The following FOXRED2 variants were observed in gnomAD, a reference collection of about 807,000 sequenced individuals.
FOXRED2 encodes the protein FAD-dependent oxidoreductase domain-containing protein 2.
A neutral mutation model predicts 52.5 loss-of-function variants in FOXRED2; 32 were observed. The ratio of observed to expected loss-of-function variants is 0.61; its 90% CI spans 0.46 to 0.82. The LOEUF (loss-of-function observed/expected upper bound fraction) is 0.82. FOXRED2 is among the 40% of genes least tolerant of loss of function. FOXRED2 has a pLI of 0.00. For synonymous variants in FOXRED2, 405 were observed against 398.1 expected (o/e 1.02, Z -0.21); for missense variants, 848 against 937.5 (o/e 0.90, Z 1.25).
In FOXRED2 at chr22:36,490,131, A is replaced by C; in HGVS notation, c.1932T>G (p.Tyr644Ter). 1.2e-6 allele frequency: 2 copies of C among 1,613,986 alleles called. No individual in the cohort carries two copies. The highest frequency in any genetic ancestry group is 1.7e-6 in the Non-Finnish European group (2 of 1,179,914). The change falls in exon 9 of 9, where the codon TAT becomes TAG. Residue 644 changes from tyrosine (Y) to a stop codon, truncating the protein, a stop_gained. Transcript: ENST00000397224. LOFTEE classifies it low-confidence loss of function (END_TRUNC). ...HRVESRLLRD[Y>*]APTGRRLEDS... ...CCTCCAGGCGCCTGCCTGTGGGGGC[A>C]TAGTCCCGCAGGAGCCTGCTCTCCA...
intron 2 of FOXRED2, 60 bp downstream of exon 2, chr22:36,505,836 T>G (rs1603496883): frequency 1.3e-6 from 2 of 1,529,562 alleles, no homozygotes. Context: ...CCAATCAAGG[T>G]GTGTGGTTCG....
At chr22:36,502,735 G>C (rs1220356135) in intron 4 of FOXRED2, among the ~76,000 whole-genome samples, 1 of 151,854 alleles carries the variant, frequency 6.6e-6, no homozygotes, top group African/African-American at 2.4e-5. Context: ...CTGTCGCCTG[G>C]GCTGGAGTCC....
intron 5 of FOXRED2, among the ~76,000 whole-genome samples, chr22:36,499,926 C>T (rs923643610): frequency 1.6e-4 from 25 of 152,210 alleles, no homozygotes; most frequent in Non-Finnish European, 2.8e-4. Context: ...CTCAGCATCC[C>T]GAGTAGTTGG....
At chr22:36,503,412 C>T (rs1390159088) in intron 4 of FOXRED2, among the ~76,000 whole-genome samples, 2 of 150,352 alleles carry the variant, frequency 1.3e-5, no homozygotes, top group Non-Finnish European at 3.0e-5. Flanking sequence ...CAGGTTCCAG[C>T]AATTCTCCCA....
At chr22:36,493,928 G>A (rs987218872) in intron 7 of FOXRED2, 125 bp from the exon 8 acceptor site, 4 of 775,028 alleles carry the variant, frequency 5.2e-6, no homozygotes, top group African/African-American at 3.5e-5. Context: ...CGGCTTTCCC[G>A]ACAGCCTCCT....
chr22:36,492,034 G>A lies in FOXRED2; in HGVS notation c.1795+1599C>T, dbSNP rs73169657. Among the ~76,000 whole-genome samples, 1,372 of 152,224 alleles carry A rather than the reference G, an allele frequency of 9.0e-3. 9 individuals are homozygous for A. Among genetic ancestry groups the A allele is most frequent in the Admixed American group, 0.015 (229 of 15,278 alleles). On this transcript the variant is annotated intron_variant, in intron 8 of 8. Transcript: ENST00000397224. ...ATGGGCACAGCACAAAGGATGTCGT[G>A]AGGCTTCCATGGGTGACCAGGCTGA...
In FOXRED2 at chr22:36,490,139, G is replaced by A. The variant is rs142833048; in HGVS notation, c.1924C>T (p.Arg642Trp). The A allele has an allele frequency of 3.5e-5, 56 of 1,613,928 alleles. No individual in the cohort carries two copies. Among genetic ancestry groups the A allele is most frequent in the Admixed American group, 1.0e-4 (6 of 59,994 alleles). Residue 642 changes from arginine (R) to tryptophan (W), a missense_variant, in exon 9 of 9, where the codon CGG becomes TGG. Transcript: ENST00000397224. ...CGCCTGCCTGTGGGGGCATAGTCCC[G>A]CAGGAGCCTGCTCTCCACTCTGTGC... ...WQHRVESRLL[R>W]DYAPTGRRLE...
rs771409448 is a variant in FOXRED2 at position 36,490,070 on chromosome 22, C to G, written c.1993G>C (p.Gly665Arg). Reference sequence around the variant, plus strand: ...AGAGGCCCTGGAGCCAGGGGGGAACCTAGTGGCTCTTGGTCGCCAAGCTGC... The same window carrying G: ...AGAGGCCCTGGAGCCAGGGGGGAACGTAGTGGCTCTTGGTCGCCAAGCTGC... ...SQQLGDQEPLGSPLAPGPLAQ... is the reference protein window; with the variant it reads ...SQQLGDQEPLRSPLAPGPLAQ... Residue 665 changes from glycine to arginine, a missense_variant, in exon 9 of 9, where the codon GGT becomes CGT. Physicochemically the swap from Gly to Arg is moderately radical, Grantham distance 125. Coordinates refer to ENST00000397224, the MANE Select transcript of FOXRED2 (RefSeq NM_001102371.2). 3 of 1,613,344 alleles carry G rather than the reference C, an allele frequency of 1.9e-6. No homozygotes were observed. Among genetic ancestry groups the G allele is most frequent in the East Asian group, 2.2e-5 (1 of 44,844 alleles).
At position 36,504,727 on chromosome 22, in the gene FOXRED2, C is replaced by T; in HGVS notation, c.567G>A (p.Gln189=). The T allele has an allele frequency of 6.2e-7, 1 of 1,614,130 alleles. No homozygotes were observed. The highest frequency in any genetic ancestry group is 1.3e-5 in the African/African-American group (1 of 75,022). ...CATATTCGGAGCCAGGGAAGTCAAC[C>T]TGGTTGGGGACTGATAAACCAGTGG... ...FVATGLSVPN[Q]VDFPGSEYAE... Residue 189 remains glutamine (Q), a synonymous_variant, in exon 3 of 9, where the codon CAG becomes CAA. Coordinates refer to ENST00000397224, the MANE Select transcript of FOXRED2 (RefSeq NM_001102371.2).
rs750694467 is a variant in FOXRED2, at chr22:36,504,169, A to G, written c.978T>C (p.Phe326=). Residue 326 remains phenylalanine, a synonymous_variant, in exon 4 of 9, where the codon TTT becomes TTC. Coordinates refer to ENST00000397224, the MANE Select transcript of FOXRED2 (RefSeq NM_001102371.2). ...CCCGGTCATAGGGCACGCGCATGGCAAAGTTGTCATTGTCGTCCTGGGGGA... is the reference window on the plus strand; with the variant it reads ...CCCGGTCATAGGGCACGCGCATGGCGAAGTTGTCATTGTCGTCCTGGGGGA... ...ITLPQDDNDN[F]AMRVPYDRVI... is the part of the protein sequence containing the mutation. 4.3e-6 allele frequency: 7 copies of G among 1,614,144 alleles called. No homozygotes were observed. In the African/African-American group the frequency reaches 9.3e-5, roughly 22 times the overall value.
chr22:36,504,374 C>G lies in FOXRED2; in HGVS notation c.780-7G>C, dbSNP rs1392976981. On this transcript the variant is annotated splice_region_variant and splice_polypyrimidine_tract_variant and intron_variant, in intron 3 of 8. Transcript: ENST00000397224. ...CAGGCCATTGTTGATGGCTCTGAGCCCACAGAGAATGCAGGGGAGAGAGAC... is the reference window on the plus strand; with the variant it reads ...CAGGCCATTGTTGATGGCTCTGAGCGCACAGAGAATGCAGGGGAGAGAGAC... The G allele has an allele frequency of 3.1e-6, 5 of 1,613,484 alleles. No homozygotes were observed. In the African/African-American group the frequency reaches 5.3e-5, roughly 17 times the overall value.
chr22:36,496,574 G>A (rs577088055), intron 6 of FOXRED2, among the ~76,000 whole-genome samples: 306 of 152,354 alleles, frequency 2.0e-3, no homozygotes, highest in Admixed American at 4.5e-3. Flanking sequence ...GAGGCCTTGA[G>A]AGGTCAAGGA....
intron 5 of FOXRED2, among the ~76,000 whole-genome samples, chr22:36,498,628 G>C (rs1036097787): frequency 6.6e-6 from 1 of 152,168 alleles, no homozygotes; most frequent in African/African-American, 2.4e-5. Context: ...GTTTCCATCA[G>C]AGACGCGCCT....
In FOXRED2 at chr22:36,493,983, T is replaced by C. The variant is rs549203326; in HGVS notation, c.1625-180A>G. ...CTGTTCAAGAGCCACCTGCAGATAT[T>C]TGAAAGGCTGCCATGAGGAAGAGGA... On this transcript the variant is annotated intron_variant, in intron 7 of 8. Transcript: ENST00000397224. Among the ~76,000 whole-genome samples the C allele has an allele frequency of 5.5e-4, 84 of 152,360 alleles. 1 individual carries two copies. The highest frequency in any genetic ancestry group is 1.9e-3 in the African/African-American group (81 of 41,588).
chr22:36,501,499 C>T (rs922903427), intron 4 of FOXRED2, 92 bp from the exon 5 acceptor site: 17 of 1,313,474 alleles, frequency 1.3e-5, no homozygotes, highest in East Asian at 7.1e-5. Context: ...TCGCTCTTGT[C>T]GCCCAGGTTA....
intron 8 of FOXRED2, 97 bp downstream of exon 8, chr22:36,493,536 C>A: frequency 9.5e-7 from 1 of 1,048,964 alleles, no homozygotes; most frequent in Non-Finnish European, 1.4e-6. Flanking sequence ...GTTTGGATTT[C>A]CAGATATGGG....
intron 5 of FOXRED2, among the ~76,000 whole-genome samples, chr22:36,500,305 G>A (rs1568990521): frequency 1.3e-5 from 2 of 152,074 alleles, no homozygotes. Flanking sequence ...CCCACCTTTC[G>A]GGGTGCTGGC....
At position 36,498,106 on chromosome 22, in the gene FOXRED2, G is replaced by A; in HGVS notation, c.1267C>T (p.Pro423Ser). Residue 423 changes from proline to serine, a missense_variant, in exon 6 of 9, where the codon CCC becomes TCC. Pro to Ser is a moderately conservative substitution (Grantham distance 74). Transcript: ENST00000397224. Reference sequence around the variant, plus strand: ...TGTGTGATGGGGAGCTCAGTGGCGGGCCAGGTGACGCTGTGGTGGCGGTGC... The same window carrying A: ...TGTGTGATGGGGAGCTCAGTGGCGGACCAGGTGACGCTGTGGTGGCGGTGC... The part of the protein sequence containing the change: ...LEHRHHSVTW[P>S]ATELPITQLT... The A allele has an allele frequency of 6.2e-7, 1 of 1,613,350 alleles. No individual in the cohort carries two copies. The highest frequency in any genetic ancestry group is 2.2e-5 in the East Asian group (1 of 44,880).
chr22:36,490,359 T>C, intron 8 of FOXRED2, 92 bp from the exon 9 acceptor site: 1 of 1,392,762 alleles, frequency 7.2e-7, no homozygotes. Context: ...GTGTGGGGGC[T>C]TCACTGCAGG....
Sources: gnomAD v4.1 joint callset for allele counts (sites outside exome capture counted in the v4.1 genomes callset) on GRCh38, gnomAD v4.1.1 for gene constraint, MANE v1.5 for transcripts, NCBI Gene and HGNC (gene_info 2026-07-23, HGNC 2026-07-21) for gene names.